Variants in INPP4B observed in about 807,000 individuals in gnomAD.
INPP4B encodes the protein inositol polyphosphate 4-phosphatase type II.
A neutral mutation model predicts 122.5 loss-of-function variants in INPP4B; 55 were observed. The ratio of observed to expected loss-of-function variants is 0.45; its 90% CI spans 0.36 to 0.56. INPP4B has a LOEUF of 0.56. Among genes scored for constraint, INPP4B ranks in the 20% least tolerant of loss-of-function variants. INPP4B has a pLI of 0.00. For missense variants in INPP4B, 1,000 were observed against 1,097.7 expected (o/e 0.91, Z 1.26); for synonymous variants, 403 against 388.7 (o/e 1.04, Z -0.43).
chr4:142,255,167 C>G (rs952921651), intron 11 of INPP4B, among the ~76,000 whole-genome samples: 2 of 151,622 alleles, frequency 1.3e-5, no homozygotes, highest in African/African-American at 4.9e-5. Context: ...GAGATTTTGT[C>G]ACCACCAGGC....
intron 7 of INPP4B, among the ~76,000 whole-genome samples, chr4:142,400,496 T>C (rs542112710): frequency 7.1e-4 from 108 of 152,274 alleles, no homozygotes; most frequent in Non-Finnish European, 1.2e-3. Flanking sequence ...TCCTCCATCA[T>C]TCACTTTAAA....
At chr4:142,783,036 C>T (rs1219095899) in intron 1 of INPP4B, among the ~76,000 whole-genome samples, 14 of 151,536 alleles carry the variant, frequency 9.2e-5, no homozygotes, top group East Asian at 3.9e-4. Flanking sequence ...AAGACTTAAA[C>T]GTTAGACCTA....
At chr4:142,067,232 C>G (rs926856160) in intron 25 of INPP4B, among the ~76,000 whole-genome samples, 6 of 152,194 alleles carry the variant, frequency 3.9e-5, no homozygotes, top group African/African-American at 1.4e-4. Flanking sequence ...GGACCTCCAG[C>G]AAACTCCAAC....
At chr4:142,839,228 C>T (rs1414906435) in intron 1 of INPP4B, among the ~76,000 whole-genome samples, 4 of 152,218 alleles carry the variant, frequency 2.6e-5, no homozygotes, top group South Asian at 2.1e-4. Context: ...GAGGCTAAGG[C>T]GGGTGGATAA....
At chr4:142,558,967 T>C (rs891621367) in intron 2 of INPP4B, among the ~76,000 whole-genome samples, 25 of 152,152 alleles carry the variant, frequency 1.6e-4, no homozygotes, top group African/African-American at 6.0e-4. Context: ...TAACTAGAAG[T>C]AGACACAGAG....
chr4:142,208,489 T>C lies in INPP4B; in HGVS notation c.1008A>G (p.Thr336=), dbSNP rs1377858847. 1.2e-6 allele frequency: 2 copies of C among 1,602,648 alleles called. No homozygotes were observed. Among genetic ancestry groups the C allele is most frequent in the East Asian group, 4.5e-5 (2 of 44,082 alleles). Residue 336 remains threonine (T), a synonymous_variant, in exon 14 of 26, where the codon ACA becomes ACG. Transcript: ENST00000262992. ...GTAGATTTATTGGAACAAATTCTAA[T>C]GTTTTCTCTCCTTTGCTGCTGCTTG... ...FKSSSSKGEK[T]LEFVPINLHL...
chr4:142,796,625 T>C (rs1377702146), intron 1 of INPP4B, among the ~76,000 whole-genome samples: 1 of 151,404 alleles, frequency 6.6e-6, no homozygotes, highest in Non-Finnish European at 1.5e-5. Flanking sequence ...GCTTAACATT[T>C]ATATTCTGGC....
intron 2 of INPP4B, among the ~76,000 whole-genome samples, chr4:142,630,397 G>A (rs1462281793): frequency 6.6e-6 from 1 of 151,842 alleles, no homozygotes; most frequent in Non-Finnish European, 1.5e-5. Context: ...AAATTTTCAG[G>A]AACTTTATTT....
At chr4:142,470,623 G>C (rs923284986) in intron 2 of INPP4B, among the ~76,000 whole-genome samples, 1 of 152,130 alleles carries the variant, frequency 6.6e-6, no homozygotes, top group Non-Finnish European at 1.5e-5. Context: ...ACAAACGACT[G>C]TCAAATATTT....
intron 2 of INPP4B, among the ~76,000 whole-genome samples, chr4:142,516,546 C>G (rs1469759213): frequency 6.7e-6 from 1 of 148,980 alleles, no homozygotes; most frequent in Non-Finnish European, 1.5e-5. Flanking sequence ...CCCAGACAAT[C>G]CAGCTCCAGA....
intron 2 of INPP4B, among the ~76,000 whole-genome samples, chr4:142,686,489 A>C (rs1266028363): frequency 6.6e-6 from 1 of 152,082 alleles, no homozygotes. Context: ...GATGAGGTCA[A>C]AGGACTAATG....
At chr4:142,592,032 C>T (rs1021342682) in intron 2 of INPP4B, among the ~76,000 whole-genome samples, 2 of 152,130 alleles carry the variant, frequency 1.3e-5, no homozygotes, top group African/African-American at 2.4e-5. Flanking sequence ...TATTAGTCCA[C>T]TAATTATACT....
At chr4:142,466,813 C>T (rs1477972745) in intron 2 of INPP4B, among the ~76,000 whole-genome samples, 3 of 152,134 alleles carry the variant, frequency 2.0e-5, no homozygotes, top group South Asian at 2.1e-4. Context: ...TGCCCTGATC[C>T]GCCTTGGGAT....
At chr4:142,406,107 C>T (rs1579974196) in intron 5 of INPP4B, among the ~76,000 whole-genome samples, 1 of 152,120 alleles carries the variant, frequency 6.6e-6, no homozygotes, top group East Asian at 1.9e-4. Flanking sequence ...AAGTCTGAAT[C>T]GACTTTCCTC....
chr4:142,794,744 CAATT>C (rs1305473088), intron 1 of INPP4B, among the ~76,000 whole-genome samples: 2 of 151,526 alleles, frequency 1.3e-5, no homozygotes, highest in East Asian at 1.9e-4. Flanking sequence ...ATATGCCAAT[CAATT>C]AAACAATGAC....
In INPP4B at chr4:142,283,581, C is replaced by T. The variant is rs149783720; in HGVS notation, c.504-12807G>A. Among the ~76,000 whole-genome samples the T allele has an allele frequency of 3.5e-3, 531 of 152,106 alleles. 4 individuals carry two copies. Among genetic ancestry groups the T allele is most frequent in the Non-Finnish European group, 6.2e-3 (422 of 67,968 alleles). The stretch of plus-strand genomic sequence containing the variant: ...TATGGGATAGCCTTTTGCTCCTAGG[C>T]TAAAAAGCTGTACAGCACGTTACTG... On this transcript the variant is annotated intron_variant, in intron 9 of 25. Coordinates refer to ENST00000262992, the MANE Select transcript of INPP4B (RefSeq NM_001101669.3).
intron 12 of INPP4B, among the ~76,000 whole-genome samples, chr4:142,228,531 T>C (rs752535795): frequency 1.3e-5 from 2 of 152,006 alleles, no homozygotes; most frequent in African/African-American, 2.4e-5. Context: ...CATAAAAAGT[T>C]GGCAGTATTA....
At chr4:142,635,571 C>T (rs1748960698) in intron 2 of INPP4B, among the ~76,000 whole-genome samples, 1 of 152,090 alleles carries the variant, frequency 6.6e-6, no homozygotes, top group African/African-American at 2.4e-5. Flanking sequence ...ATGGATGGAG[C>T]TAGAGGCTAT....
chr4:142,703,769 C>A (rs935032290), intron 2 of INPP4B, among the ~76,000 whole-genome samples: 3 of 152,104 alleles, frequency 2.0e-5, no homozygotes, highest in Non-Finnish European at 2.9e-5. Context: ...AACTCTGGAG[C>A]ATAAAGAAGA....
Sources: gnomAD v4.1 joint callset for allele counts (sites outside exome capture counted in the v4.1 genomes callset) on GRCh38, gnomAD v4.1.1 for gene constraint, MANE v1.5 for transcripts, NCBI Gene and HGNC (gene_info 2026-07-23, HGNC 2026-07-21) for gene names.